PATL2: variants seen among roughly 807,000 people sequenced by gnomAD.
The protein encoded by PATL2 is PAT1 homolog 2.
Under a neutral mutation model 77.0 loss-of-function variants are expected in PATL2, and 73 were observed. The observed-to-expected ratio is 0.95, with a 90% CI of 0.78 to 1.15. The LOEUF is 1.15. Ranked by LOEUF, PATL2 falls within the 50% of genes most tolerant of loss-of-function variation. The pLI, the probability that PATL2 is intolerant of heterozygous loss-of-function variation, is 0.00. For synonymous variants in PATL2, 265 were observed against 257.1 expected, an observed-to-expected ratio of 1.03 and a Z score of -0.29; for missense variants, 618 against 655.4, an observed-to-expected ratio of 0.94 and a Z score of 0.62.
chr15:44,703,354 G>C (rs2086668981), intron 3 of PATL2, among the ~76,000 whole-genome samples: 1 of 152,062 alleles, frequency 6.6e-6, no homozygotes, highest in African/African-American at 2.4e-5. Flanking sequence ...TTTTCAGTCT[G>C]GATGATCTGT....
intron 3 of PATL2, among the ~76,000 whole-genome samples, chr15:44,686,461 G>T (rs907872649): frequency 2.6e-5 from 4 of 152,156 alleles, no homozygotes; most frequent in Non-Finnish European, 4.4e-5. Flanking sequence ...AAGTAGGAAA[G>T]ATCTAAAATT....
chr15:44,669,045 C>G lies in PATL2; in HGVS notation c.1159G>C (p.Val387Leu). 6.4e-7 allele frequency: 1 copy of G among 1,551,274 alleles called. No homozygotes were observed. Among genetic ancestry groups the G allele is most frequent in the Admixed American group, 2.0e-5 (1 of 50,942 alleles). ...TGGGTGATAGCCAAAAGAATGGTAACAGCCTGATCCTGGGGCAGGAAGGGG... is the reference window on the plus strand; with the variant it reads ...TGGGTGATAGCCAAAAGAATGGTAAGAGCCTGATCCTGGGGCAGGAAGGGG... ...LLPFLPQDQA[V>L]TILLAITHHL... The change falls in exon 14 of 18, where the codon GTT becomes CTT. Residue 387 changes from valine (V) to leucine (L), a missense_variant. Coordinates refer to ENST00000682850, the MANE Select transcript of PATL2 (RefSeq NM_001387263.1).
rs2085548840 is a variant in PATL2, at chr15:44,669,402, C to T, written c.942G>A (p.Gln314=). The change falls in exon 13 of 18, where the codon CAG becomes CAA. Residue 314 remains glutamine, a synonymous_variant. Transcript: ENST00000682850. ...TCCAGCCTTCCTCTATTTCTAGTAA[C>T]TGAAGGAACATCTGGGAATTTGAGG... ...VLYRIEKMFL[Q]LLEIEEGWKY... 1.9e-6 allele frequency: 3 copies of T among 1,550,288 alleles called. No homozygotes were observed. The highest frequency in any genetic ancestry group is 1.4e-5 in the African/African-American group (1 of 73,150).
intron 3 of PATL2, among the ~76,000 whole-genome samples, chr15:44,705,964 C>T (rs1314662991): frequency 6.6e-6 from 1 of 151,942 alleles, no homozygotes. Flanking sequence ...CCACGCCCAG[C>T]TATTTTTGTA....
At chr15:44,675,195 C>G in intron 5 of PATL2, 1 of 359,506 alleles carries the variant, frequency 2.8e-6, no homozygotes, top group Non-Finnish European at 5.0e-6. Context: ...GGCCCAGGAT[C>G]AGGCAAACGT....
rs2085516744 is a variant in PATL2, at chr15:44,668,879, C to A, written c.1224+101G>T. 7.3e-6 allele frequency: 10 copies of A among 1,366,402 alleles called. No homozygotes were observed. The South Asian group carries it at 1.4e-4, about 20-fold the overall frequency. 84.6% of individuals were successfully genotyped at this position (1,366,402 alleles called of 1,614,324 possible). A position where few individuals can be genotyped will look rare whatever the true frequency, so the allele number is the denominator to read the frequency against. Reference sequence around the variant, plus strand: ...GGCCAGCATCCCTCGCTGTGCCCAGCACCTTCTCTGGCATCTCTGGGGCAT... The same window carrying A: ...GGCCAGCATCCCTCGCTGTGCCCAGAACCTTCTCTGGCATCTCTGGGGCAT... On this transcript the variant is annotated intron_variant, in intron 14 of 17. Transcript: ENST00000682850.
At chr15:44,689,987 C>T (rs983734047) in intron 3 of PATL2, among the ~76,000 whole-genome samples, 6 of 152,214 alleles carry the variant, frequency 3.9e-5, no homozygotes, top group East Asian at 1.9e-4. Flanking sequence ...GTCAGGAGTT[C>T]GAGACTAGCC....
At chr15:44,686,031 T>C (rs953936437) in intron 3 of PATL2, among the ~76,000 whole-genome samples, 1 of 152,152 alleles carries the variant, frequency 6.6e-6, no homozygotes, top group Non-Finnish European at 1.5e-5. Context: ...TATTCAGGAC[T>C]TGAACTCAGC....
At chr15:44,676,356 G>A (rs1271715222) in intron 4 of PATL2, 119 bp downstream of exon 4, 20 of 912,204 alleles carry the variant, frequency 2.2e-5, no homozygotes, top group African/African-American at 1.6e-5. Context: ...TAATTAGCAA[G>A]TGGAAGAATT....
chr15:44,672,242 G>A (rs2085724313), intron 8 of PATL2, 86 bp from the exon 9 acceptor site: 2 of 1,545,262 alleles, frequency 1.3e-6, no homozygotes. Context: ...GGGGCTCTCT[G>A]GGAAGGATGG....
chr15:44,682,574 C>A (rs545760204), intron 3 of PATL2, among the ~76,000 whole-genome samples: 2 of 152,200 alleles, frequency 1.3e-5, no homozygotes, highest in Non-Finnish European at 2.9e-5. Context: ...GGGTTTCTTG[C>A]CAGCCACCTG....
rs760151963 is a variant in PATL2 at position 44,668,425 on chromosome 15, C to A, written c.1282G>T (p.Glu428Ter). ...AATCCCTGAAGTCCTTGGAGGAGTTCGTGGAGGGTCAAGTGACTAATACAT... is the reference window on the plus strand; with the variant it reads ...AATCCCTGAAGTCCTTGGAGGAGTTAGTGGAGGGTCAAGTGACTAATACAT... Reference protein sequence around the residue: ...GKCISHLTLHELLQGLQGLTL... With the variant: ...GKCISHLTLH Residue 428 changes from glutamate to a stop codon, truncating the protein, a stop_gained, in exon 15 of 18, where the codon GAA becomes TAA. Transcript: ENST00000682850. LOFTEE classifies it high-confidence loss of function. 2 of 1,551,238 alleles carry A rather than the reference C, an allele frequency of 1.3e-6. No homozygotes were observed. Among genetic ancestry groups the A allele is most frequent in the African/African-American group, 1.4e-5 (1 of 73,026 alleles).
At chr15:44,689,746 G>A (rs1474059638) in intron 3 of PATL2, among the ~76,000 whole-genome samples, 3 of 152,126 alleles carry the variant, frequency 2.0e-5, no homozygotes, top group Middle Eastern at 3.2e-3. Flanking sequence ...ACCATTAGGA[G>A]AAATACCTAA....
At chr15:44,689,955 C>T (rs186251408) in intron 3 of PATL2, among the ~76,000 whole-genome samples, 241 of 152,172 alleles carry the variant, frequency 1.6e-3, no homozygotes, top group Non-Finnish European at 2.3e-3. Context: ...TTTGGGAGGC[C>T]GAGGTGGGCG....
At chr15:44,675,266 G>A (rs1479253413) in intron 5 of PATL2, 5 of 573,476 alleles carry the variant, frequency 8.7e-6, no homozygotes, top group Admixed American at 3.4e-5. Context: ...GCTCTGCTAG[G>A]ACCTGGTTTT....
At chr15:44,698,841 C>A (rs574803616) in intron 3 of PATL2, among the ~76,000 whole-genome samples, 2 of 152,310 alleles carry the variant, frequency 1.3e-5, no homozygotes, top group African/African-American at 4.8e-5. Flanking sequence ...AGTGGCTATA[C>A]TAATTTCCAT....
intron 3 of PATL2, among the ~76,000 whole-genome samples, chr15:44,703,293 T>C (rs1047619805): frequency 1.3e-5 from 2 of 152,036 alleles, no homozygotes; most frequent in African/African-American, 4.8e-5. Flanking sequence ...AAAAAATCTA[T>C]TAGAGCCATT....
At chr15:44,704,790 A>G (rs573063620) in intron 3 of PATL2, among the ~76,000 whole-genome samples, 3 of 152,304 alleles carry the variant, frequency 2.0e-5, no homozygotes, top group Admixed American at 6.5e-5. Context: ...CTTGTAGGAC[A>G]GGTCTGGTGT....
At chr15:44,673,173 G>A (rs2085773535) in intron 7 of PATL2, 62 bp downstream of exon 7, 1 of 1,524,094 alleles carries the variant, frequency 6.6e-7, no homozygotes, top group South Asian at 1.2e-5. Flanking sequence ...TGGTAGGCAT[G>A]GTCCCCGCCC....
Sources: gnomAD v4.1 joint callset for allele counts (sites outside exome capture counted in the v4.1 genomes callset) on GRCh38, gnomAD v4.1.1 for gene constraint, MANE v1.5 for transcripts, NCBI Gene and HGNC (gene_info 2026-07-23, HGNC 2026-07-21) for gene names.